SLC24A3: variants seen among roughly 807,000 people sequenced by gnomAD.
The protein encoded by SLC24A3 is solute carrier family 24 member 3.
SLC24A3 carries 28 observed loss-of-function variants against 75.8 expected under a neutral mutation model. The ratio of observed to expected loss-of-function variants is 0.37; its 90% CI spans 0.27 to 0.51. The LOEUF is 0.51. Among genes scored for constraint, SLC24A3 ranks in the 20% least tolerant of loss-of-function variants. The probability of loss-of-function intolerance (pLI) is 0.94; values close to 1 mark genes in which losing one functional copy is unlikely to be tolerated. For synonymous variants in SLC24A3, 372 were observed against 334.1 expected (o/e 1.11, Z -1.24); for missense variants, 663 against 847.8 (o/e 0.78, Z 2.71).
chr20:19,484,038 G>A (rs903705906), intron 2 of SLC24A3, among the ~76,000 whole-genome samples: 2 of 152,154 alleles, frequency 1.3e-5, no homozygotes, highest in East Asian at 3.8e-4. Flanking sequence ...GCACACCTAT[G>A]TTAATGGGAG....
rs549360088 is a variant in SLC24A3, at chr20:19,427,519, T to C, written c.272-87969T>C. On this transcript the variant is annotated intron_variant, in intron 2 of 16. Coordinates refer to ENST00000328041, the MANE Select transcript of SLC24A3 (RefSeq NM_020689.4). ...GACTTTTCAAATACCATTTGCGCTTTAGTGTTCCACTGGGGGCTGGGGGAA... is the reference window on the plus strand; with the variant it reads ...GACTTTTCAAATACCATTTGCGCTTCAGTGTTCCACTGGGGGCTGGGGGAA... Among the ~76,000 whole-genome samples the C allele has an allele frequency of 3.3e-3, 502 of 152,366 alleles. 3 individuals are homozygous for C. Among genetic ancestry groups the C allele is most frequent in the African/African-American group, 0.011 (474 of 41,584 alleles).
intron 6 of SLC24A3, among the ~76,000 whole-genome samples, chr20:19,605,157 C>G (rs1307611325): frequency 6.6e-6 from 1 of 152,142 alleles, no homozygotes; most frequent in African/African-American, 2.4e-5. Context: ...TGGGAAACTC[C>G]CAGAGAGTGT....
chr20:19,499,522 C>T (rs141451788), intron 2 of SLC24A3, among the ~76,000 whole-genome samples: 229 of 152,276 alleles, frequency 1.5e-3, no homozygotes, highest in African/African-American at 5.2e-3. Context: ...TGGTTCTATC[C>T]TCCCACCTTA....
chr20:19,655,803 G>A (rs556445727), intron 7 of SLC24A3, among the ~76,000 whole-genome samples: 8 of 152,174 alleles, frequency 5.3e-5, no homozygotes, highest in East Asian at 1.9e-4. Context: ...TCAGGCCTTC[G>A]GGCTTAAACT....
intron 2 of SLC24A3, among the ~76,000 whole-genome samples, chr20:19,411,639 T>C (rs1203532494): frequency 1.3e-5 from 2 of 152,344 alleles, no homozygotes; most frequent in Middle Eastern, 3.4e-3. Flanking sequence ...GAAACAAATA[T>C]GGAGCAACAG....
At chr20:19,588,025 G>A (rs562220164) in intron 6 of SLC24A3, among the ~76,000 whole-genome samples, 3 of 152,304 alleles carry the variant, frequency 2.0e-5, no homozygotes, top group Admixed American at 1.3e-4. Context: ...AGGATACTCA[G>A]TGGGAAGGAA....
At chr20:19,470,311 C>T (rs1987848298) in intron 2 of SLC24A3, among the ~76,000 whole-genome samples, 1 of 152,138 alleles carries the variant, frequency 6.6e-6, no homozygotes, top group Non-Finnish European at 1.5e-5. Flanking sequence ...TAGGAGGCTA[C>T]ACAGATCCCT....
At chr20:19,686,412 G>A (rs1027195981) in intron 12 of SLC24A3, among the ~76,000 whole-genome samples, 5 of 152,168 alleles carry the variant, frequency 3.3e-5, no homozygotes, top group African/African-American at 9.7e-5. Flanking sequence ...CAGAGCAGGT[G>A]GTCCAAGCCC....
At chr20:19,265,507 T>G (rs1016199364) in intron 1 of SLC24A3, among the ~76,000 whole-genome samples, 7 of 152,200 alleles carry the variant, frequency 4.6e-5, no homozygotes, top group Non-Finnish European at 1.0e-4. Flanking sequence ...TTCAACAGAC[T>G]TTACATGGGA....
intron 3 of SLC24A3, among the ~76,000 whole-genome samples, chr20:19,546,563 A>G (rs2030599602): frequency 6.6e-6 from 1 of 152,244 alleles, no homozygotes; most frequent in Non-Finnish European, 1.5e-5. Flanking sequence ...AGGCAGCTGC[A>G]TAGAATGTTG....
intron 2 of SLC24A3, among the ~76,000 whole-genome samples, chr20:19,290,393 T>G (rs1983911959): frequency 6.6e-6 from 1 of 152,154 alleles, no homozygotes; most frequent in Non-Finnish European, 1.5e-5. Flanking sequence ...AAGGTGATAG[T>G]GTTAGAAGAT....
intron 6 of SLC24A3, among the ~76,000 whole-genome samples, chr20:19,633,993 A>G (rs963106217): frequency 6.6e-6 from 1 of 152,120 alleles, no homozygotes; most frequent in African/African-American, 2.4e-5. Context: ...ACCTCTTTCT[A>G]TATCTGCCAT....
intron 2 of SLC24A3, among the ~76,000 whole-genome samples, chr20:19,468,045 G>C (rs1987798832): frequency 6.6e-6 from 1 of 152,084 alleles, no homozygotes; most frequent in Admixed American, 6.6e-5. Flanking sequence ...AAGCATCATT[G>C]AGATGTTCAG....
intron 2 of SLC24A3, among the ~76,000 whole-genome samples, chr20:19,331,393 T>C (rs999212272): frequency 6.6e-6 from 1 of 152,008 alleles, no homozygotes; most frequent in South Asian, 2.1e-4. Context: ...GGTAGGTAGA[T>C]AGAGTAGATA....
At chr20:19,501,339 A>T (rs907852796) in intron 2 of SLC24A3, among the ~76,000 whole-genome samples, 3 of 152,232 alleles carry the variant, frequency 2.0e-5, no homozygotes, top group African/African-American at 4.8e-5. Context: ...ATACTGAGGT[A>T]CTTTATGTAA....
chr20:19,406,202 G>A (rs1246928734), intron 2 of SLC24A3, among the ~76,000 whole-genome samples: 2 of 149,800 alleles, frequency 1.3e-5, no homozygotes, highest in African/African-American at 5.1e-5. Flanking sequence ...GTGTGTGTGT[G>A]TGTGTGCGTG....
intron 2 of SLC24A3, among the ~76,000 whole-genome samples, chr20:19,509,998 T>C (rs1462375408): frequency 6.6e-6 from 1 of 152,230 alleles, no homozygotes; most frequent in African/African-American, 2.4e-5. Context: ...CAAATTGCTT[T>C]AGAACCACAG....
At chr20:19,504,352 T>C (rs1188793945) in intron 2 of SLC24A3, among the ~76,000 whole-genome samples, 3 of 152,182 alleles carry the variant, frequency 2.0e-5, no homozygotes, top group Non-Finnish European at 4.4e-5. Context: ...TTAAAAAATG[T>C]CATTGATTTT....
chr20:19,505,690 A>C (rs558371859), intron 2 of SLC24A3, among the ~76,000 whole-genome samples: 16 of 152,240 alleles, frequency 1.1e-4, no homozygotes, highest in African/African-American at 3.6e-4. Flanking sequence ...GTAATGAGGG[A>C]GCTGGGGTAC....
Sources: gnomAD v4.1 joint callset for allele counts (sites outside exome capture counted in the v4.1 genomes callset) on GRCh38, gnomAD v4.1.1 for gene constraint, MANE v1.5 for transcripts, NCBI Gene and HGNC (gene_info 2026-07-23, HGNC 2026-07-21) for gene names.